Variants in RUNX1 observed in about 807,000 individuals in gnomAD.
RUNX1 encodes runt-related transcription factor 1.
Under a neutral mutation model 42.8 loss-of-function variants are expected in RUNX1, and 19 were observed. The ratio of observed to expected loss-of-function variants is 0.44; its 90% CI spans 0.31 to 0.65. The LOEUF (loss-of-function observed/expected upper bound fraction) is 0.65. Ranked by LOEUF, RUNX1 falls within the 30% of genes least tolerant of loss-of-function variation. The pLI is 0.07. For missense variants in RUNX1, 528 were observed against 672.0 expected, an observed-to-expected ratio of 0.79 and a Z score of 2.37; for synonymous variants, 271 against 289.4, an observed-to-expected ratio of 0.94 and a Z score of 0.64.
At chr21:35,025,934 T>C (rs1222782005) in intron 2 of RUNX1, among the ~76,000 whole-genome samples, 1 of 152,134 alleles carries the variant, frequency 6.6e-6, no homozygotes, top group Admixed American at 6.5e-5. Flanking sequence ...GGAATGAGTA[T>C]GGACTGTTTC....
At chr21:34,921,918 G>C (rs1160874725) in intron 2 of RUNX1, among the ~76,000 whole-genome samples, 1 of 152,188 alleles carries the variant, frequency 6.6e-6, no homozygotes, top group Admixed American at 6.5e-5. Context: ...ACAGGCGTGA[G>C]CCACCATACC....
At chr21:34,813,027 C>G (rs2056777678) in intron 7 of RUNX1, among the ~76,000 whole-genome samples, 1 of 152,082 alleles carries the variant, frequency 6.6e-6, no homozygotes, top group African/African-American at 2.4e-5. Flanking sequence ...GCATTGAGAT[C>G]CTGTGTATAT....
rs183223802 is a variant in RUNX1, at chr21:34,821,198, G to A, written c.805+13212C>T. The A allele has an allele frequency of 5.9e-6, 6 of 1,022,114 alleles. No homozygotes were observed. In the African/African-American group the frequency reaches 8.5e-5, roughly 15 times the overall value. 63.3% of individuals were successfully genotyped at this position (1,022,114 alleles called of 1,614,324 possible). ...CCGGGGGAATTATCGCAGAGTAGCT[G>A]TGTGACTTGGAGAGGACCGATGGGT... On this transcript the variant is annotated intron_variant, in intron 7 of 8. Transcript: ENST00000675419.
At chr21:34,889,915 TC>T in intron 3 of RUNX1, 2 of 963,834 alleles carry the variant, frequency 2.1e-6, no homozygotes, top group Middle Eastern at 4.3e-4. Flanking sequence ...TGCAACCCAG[TC>T]CCCGGATCCC....
intron 2 of RUNX1, among the ~76,000 whole-genome samples, chr21:34,961,313 C>G (rs148076358): frequency 1.3e-5 from 2 of 151,856 alleles, no homozygotes; most frequent in Admixed American, 6.6e-5. Flanking sequence ...GCTGAGATTG[C>G]GCCACTGCAC....
intron 7 of RUNX1, among the ~76,000 whole-genome samples, chr21:34,812,810 CA>C (rs1203660494): frequency 6.6e-6 from 1 of 152,134 alleles, no homozygotes; most frequent in African/African-American, 2.4e-5. Context: ...AAGGCTTTCT[CA>C]TAGAAGCCAT....
chr21:34,793,913 A>T (rs1323888640), intron 8 of RUNX1, among the ~76,000 whole-genome samples: 1 of 152,100 alleles, frequency 6.6e-6, no homozygotes. Context: ...CACGTTGGCT[A>T]GGCAGGTCTC....
At chr21:34,958,289 C>T (rs2058659221) in intron 2 of RUNX1, among the ~76,000 whole-genome samples, 1 of 152,156 alleles carries the variant, frequency 6.6e-6, no homozygotes, top group African/African-American at 2.4e-5. Context: ...TAAAATGAAA[C>T]CAGCCCAGCT....
At chr21:35,017,436 T>C (rs922016422) in intron 2 of RUNX1, among the ~76,000 whole-genome samples, 2 of 152,076 alleles carry the variant, frequency 1.3e-5, no homozygotes, top group Non-Finnish European at 1.5e-5. Context: ...GAATGTCACA[T>C]TTTGGTTAGG....
At chr21:34,844,465 G>C (rs961896023) in intron 6 of RUNX1, among the ~76,000 whole-genome samples, 1 of 152,128 alleles carries the variant, frequency 6.6e-6, no homozygotes, top group Non-Finnish European at 1.5e-5. Flanking sequence ...TTCCCCTCCC[G>C]CAGCAGCAGA....
In RUNX1 at chr21:34,966,411, C is replaced by G. The variant is rs62216441; in HGVS notation, c.59-73448G>C. Among the ~76,000 whole-genome samples the G allele has an allele frequency of 3.5e-3, 539 of 152,318 alleles. 7 individuals carry two copies. Among genetic ancestry groups the G allele is most frequent in the Non-Finnish European group, 6.0e-3 (408 of 68,026 alleles). ...GGATACTTTTATTATCCCCAGTTAG[C>G]AGATGTGGAAATCAAGCTCCAAATG... On this transcript the variant is annotated intron_variant, in intron 2 of 8. Coordinates refer to ENST00000675419, the MANE Select transcript of RUNX1 (RefSeq NM_001754.5).
chr21:35,000,326 C>T (rs373432329), intron 2 of RUNX1, among the ~76,000 whole-genome samples: 11 of 150,790 alleles, frequency 7.3e-5, no homozygotes, highest in African/African-American at 2.2e-4. Flanking sequence ...CTGCAAACTC[C>T]GCCTCCCGGG....
At chr21:34,879,248 T>A (rs1427241668) in intron 5 of RUNX1, among the ~76,000 whole-genome samples, 2 of 152,254 alleles carry the variant, frequency 1.3e-5, no homozygotes, top group Admixed American at 6.5e-5. Flanking sequence ...TGCTTTTATA[T>A]CTTATAGCAT....
chr21:35,036,049 G>A (rs57726798), intron 2 of RUNX1, among the ~76,000 whole-genome samples: 5 of 152,324 alleles, frequency 3.3e-5, no homozygotes, highest in African/African-American at 1.2e-4. Context: ...AGGTGACAGT[G>A]GAGGCCATTA....
chr21:34,993,754 G>GAC (rs138606142), intron 2 of RUNX1, among the ~76,000 whole-genome samples: 763 of 48,036 alleles, frequency 0.016, 58 homozygotes, highest in African/African-American at 0.083. Context: ...CACACACACA[G>GAC]ACACACACAG....
intron 7 of RUNX1, among the ~76,000 whole-genome samples, chr21:34,815,644 C>A (rs1041694792): frequency 3.9e-5 from 6 of 152,166 alleles, no homozygotes; most frequent in Non-Finnish European, 8.8e-5. Flanking sequence ...AGGGGCACAT[C>A]TGCACACCAA....
At chr21:34,869,785 C>T (rs925981038) in intron 5 of RUNX1, among the ~76,000 whole-genome samples, 2 of 152,224 alleles carry the variant, frequency 1.3e-5, no homozygotes, top group African/African-American at 4.8e-5. Context: ...CAGCAATGAT[C>T]ACTCAGGAAG....
chr21:34,905,432 G>A (rs1360237308), intron 2 of RUNX1, among the ~76,000 whole-genome samples: 1 of 152,156 alleles, frequency 6.6e-6, no homozygotes, highest in Non-Finnish European at 1.5e-5. Context: ...AGGAAATAAC[G>A]TTATTATGTG....
intron 2 of RUNX1, among the ~76,000 whole-genome samples, chr21:34,918,540 A>G (rs540373540): frequency 1.3e-5 from 2 of 152,330 alleles, no homozygotes; most frequent in East Asian, 3.9e-4. Context: ...ATTCTTTGTT[A>G]GGAAGGAATA....
Sources: allele counts gnomAD v4.1 joint callset (sites outside exome capture counted in the v4.1 genomes callset), GRCh38; gene constraint gnomAD v4.1.1; transcripts MANE v1.5; gene names NCBI Gene and HGNC (gene_info 2026-07-23, HGNC 2026-07-21).